Variants in UCK2 observed in about 807,000 individuals in gnomAD.
The protein encoded by UCK2 is uridine-cytidine kinase 2, also known as cytidine monophosphokinase 2.
UCK2 carries 6 observed loss-of-function variants against 30.8 expected under a neutral mutation model. The observed-to-expected ratio is 0.19, with a 90% CI of 0.11 to 0.38. The LOEUF is 0.38. Ranked by LOEUF, UCK2 falls within the 10% of genes least tolerant of loss-of-function variation. The pLI is 1.00. For synonymous variants in UCK2, 125 were observed against 133.6 expected (o/e 0.94, Z 0.45); for missense variants, 210 against 339.8 (o/e 0.62, Z 3.00).
chr1:165,864,645 G>A (rs959382158), intron 1 of UCK2, among the ~76,000 whole-genome samples: 2 of 152,044 alleles, frequency 1.3e-5, no homozygotes, highest in Non-Finnish European at 1.5e-5. Context: ...AGACAAAAAG[G>A]TTTTGGATAA....
intron 1 of UCK2, among the ~76,000 whole-genome samples, chr1:165,880,616 A>C (rs1655471181): frequency 7.0e-6 from 1 of 143,524 alleles, no homozygotes; most frequent in Admixed American, 7.1e-5. Context: ...TGTGTGTGTG[A>C]TGTCTTTTGT....
intron 1 of UCK2, among the ~76,000 whole-genome samples, chr1:165,844,147 G>A (rs1654392331): frequency 6.6e-6 from 1 of 152,178 alleles, no homozygotes; most frequent in South Asian, 2.1e-4. Flanking sequence ...AGGTGGGGCT[G>A]GCATTTAAAC....
chr1:165,881,124 G>A (rs574688759), intron 1 of UCK2, among the ~76,000 whole-genome samples: 1 of 139,584 alleles, frequency 7.2e-6, no homozygotes, highest in African/African-American at 2.7e-5. Context: ...AGTGAGCTGA[G>A]ATCACGCCAC....
At chr1:165,855,809 T>C (rs898154696) in intron 1 of UCK2, among the ~76,000 whole-genome samples, 2 of 152,194 alleles carry the variant, frequency 1.3e-5, no homozygotes, top group Admixed American at 6.5e-5. Flanking sequence ...CCTGGCCCTC[T>C]GGAGAGTTGG....
intron 6 of UCK2, 57 bp downstream of exon 6, chr1:165,906,026 AT>A (rs986372428): frequency 7.6e-5 from 118 of 1,559,500 alleles, no homozygotes; most frequent in Non-Finnish European, 9.8e-5. Context: ...GTCAGTCATA[AT>A]TTGGGGCAGG....
At chr1:165,862,880 T>C (rs190194255) in intron 1 of UCK2, among the ~76,000 whole-genome samples, 106 of 152,300 alleles carry the variant, frequency 7.0e-4, no homozygotes, top group Middle Eastern at 3.4e-3. Flanking sequence ...AAAAGAAGCT[T>C]GTCAGATCTG....
At chr1:165,881,408 G>A (rs1655498837) in intron 1 of UCK2, among the ~76,000 whole-genome samples, 1 of 151,970 alleles carries the variant, frequency 6.6e-6, no homozygotes, top group Admixed American at 6.6e-5. Context: ...CTGTAAGTTT[G>A]TTACTTGGCA....
At position 165,827,731 on chromosome 1, in the gene UCK2, G is replaced by A; in HGVS notation, c.-103G>A. ...AGCGACAGCGGCCTCAGCCCCGGCA[G>A]CGCCCAGCGGCGGCTGCGGAAAGCG... On this transcript the variant is annotated 5_prime_UTR_variant, in exon 1 of 7. Transcript: ENST00000367879. 1.8e-6 allele frequency: 2 copies of A among 1,083,714 alleles called. No individual in the cohort carries two copies. Among genetic ancestry groups the A allele is most frequent in the Non-Finnish European group, 2.4e-6 (2 of 838,874 alleles). 67.1% of individuals were successfully genotyped at this position (1,083,714 alleles called of 1,614,324 possible). A position where few individuals can be genotyped will look rare whatever the true frequency, so the allele number is the denominator to read the frequency against.
In UCK2 at chr1:165,854,824, A is replaced by G. The variant is rs12058054; in HGVS notation, c.99+26892A>G. ...CCATGAATACTACCTTCCATGCTTT[A>G]TTCTGGTCCTCTAAATCTTTCCTTT... On this transcript the variant is annotated intron_variant, in intron 1 of 6. Coordinates refer to ENST00000367879, the MANE Select transcript of UCK2 (RefSeq NM_012474.5). Among the ~76,000 whole-genome samples, 525 of 152,204 alleles carry G rather than the reference A, an allele frequency of 3.4e-3. 2 individuals carry two copies. Among genetic ancestry groups the G allele is most frequent in the African/African-American group, 0.012 (497 of 41,514 alleles).
In UCK2 at chr1:165,850,233, C is replaced by T. The variant is rs201371879; in HGVS notation, c.99+22301C>T. 1.7e-4 allele frequency among the ~76,000 whole-genome samples: 25 copies of T among 151,348 alleles called. 1 individual carries two copies. The East Asian group carries it at 3.7e-3, about 23-fold the overall frequency. On this transcript the variant is annotated intron_variant, in intron 1 of 6. Transcript: ENST00000367879. The stretch of plus-strand genomic sequence containing the variant: ...ACAGCCTCCACCTCCTGGGTTCAAG[C>T]GATTCTCCTGCCTCAGCCTCCCGAG...
At chr1:165,851,793 C>T (rs1654604295) in intron 1 of UCK2, among the ~76,000 whole-genome samples, 1 of 152,124 alleles carries the variant, frequency 6.6e-6, no homozygotes, top group Non-Finnish European at 1.5e-5. Flanking sequence ...CTCTCTGTGT[C>T]CATGGGTTCT....
chr1:165,858,730 A>T (rs1056482514), intron 1 of UCK2, among the ~76,000 whole-genome samples: 3 of 152,098 alleles, frequency 2.0e-5, no homozygotes, highest in Non-Finnish European at 4.4e-5. Context: ...GAGCCATAGG[A>T]ACTTCCCCTT....
At chr1:165,887,515 G>T (rs1464937437) in intron 1 of UCK2, among the ~76,000 whole-genome samples, 1 of 151,926 alleles carries the variant, frequency 6.6e-6, no homozygotes. Context: ...ACATTTTATG[G>T]GTTTTAAATA....
intron 1 of UCK2, among the ~76,000 whole-genome samples, chr1:165,828,256 G>A (rs1653946573): frequency 1.3e-5 from 2 of 152,196 alleles, no homozygotes; most frequent in Admixed American, 1.3e-4. Context: ...GATGCTTATT[G>A]TTTTGCAACT....
In UCK2 at chr1:165,872,578, A is replaced by G. The variant is rs192492369; in HGVS notation, c.100-17626A>G. ...CTAGCAAATCCACTACTGGAAATCT[A>G]TTCTACAAATATATATGTATATCCA... is the stretch of plus-strand genomic sequence containing the variant. On this transcript the variant is annotated intron_variant, in intron 1 of 6. Coordinates refer to ENST00000367879, the MANE Select transcript of UCK2 (RefSeq NM_012474.5). Among the ~76,000 whole-genome samples, 281 of 152,350 alleles carry G rather than the reference A, an allele frequency of 1.8e-3. 1 individual carries two copies. Among genetic ancestry groups the G allele is most frequent in the Middle Eastern group, 0.01 (3 of 294 alleles).
At chr1:165,829,666 C>G (rs1006845088) in intron 1 of UCK2, among the ~76,000 whole-genome samples, 1 of 152,162 alleles carries the variant, frequency 6.6e-6, no homozygotes, top group Non-Finnish European at 1.5e-5. Flanking sequence ...GTTTCTCAGT[C>G]GTCACCTGTT....
intron 1 of UCK2, among the ~76,000 whole-genome samples, chr1:165,857,224 T>G (rs985732430): frequency 6.6e-6 from 1 of 152,190 alleles, no homozygotes; most frequent in Non-Finnish European, 1.5e-5. Context: ...CATCCAGTAC[T>G]TGAACCCTTT....
At chr1:165,854,705 T>C (rs1654684411) in intron 1 of UCK2, among the ~76,000 whole-genome samples, 1 of 152,314 alleles carries the variant, frequency 6.6e-6, no homozygotes, top group East Asian at 1.9e-4. Flanking sequence ...ACTTTTCCTA[T>C]GTTTGTTCTG....
intron 1 of UCK2, among the ~76,000 whole-genome samples, chr1:165,852,541 C>A (rs902513359): frequency 7.9e-5 from 12 of 152,074 alleles, no homozygotes; most frequent in African/African-American, 2.2e-4. Flanking sequence ...GTCAGAATGG[C>A]GATTATTAAA....
Sources: allele counts gnomAD v4.1 joint callset (sites outside exome capture counted in the v4.1 genomes callset), GRCh38; gene constraint gnomAD v4.1.1; transcripts MANE v1.5; gene names NCBI Gene and HGNC (gene_info 2026-07-23, HGNC 2026-07-21).